ANKFN1: variants seen among roughly 807,000 people sequenced by gnomAD.
ANKFN1 encodes the protein ankyrin repeat and fibronectin type-III domain-containing protein 1.
ANKFN1 carries 74 observed loss-of-function variants against 108.7 expected under a neutral mutation model. The observed-to-expected ratio is 0.68, with a 90% CI of 0.56 to 0.83. The LOEUF (loss-of-function observed/expected upper bound fraction) is 0.83. Ranked by LOEUF, ANKFN1 falls within the 40% of genes least tolerant of loss-of-function variation. The pLI is 0.00. For synonymous variants in ANKFN1, 547 were observed against 516.2 expected (o/e 1.06, Z -0.81); for missense variants, 1,505 against 1,382.3 (o/e 1.09, Z -1.41).
intron 8 of ANKFN1, among the ~76,000 whole-genome samples, chr17:56,391,321 CATATAT>C (rs779025797): frequency 8.3e-6 from 1 of 119,948 alleles, no homozygotes; most frequent in African/African-American, 3.5e-5. Context: ...TGTGTGTGTA[CATATAT>C]ATATATATGT....
At chr17:56,318,433 A>G (rs1388498415) in intron 3 of ANKFN1, among the ~76,000 whole-genome samples, 2 of 152,158 alleles carry the variant, frequency 1.3e-5, no homozygotes, top group African/African-American at 2.4e-5. Flanking sequence ...AATTAAACCT[A>G]TATGTATTGA....
chr17:56,322,258 G>GTC (rs562174802), intron 3 of ANKFN1, among the ~76,000 whole-genome samples: 3 of 151,956 alleles, frequency 2.0e-5, no homozygotes, highest in Admixed American at 2.0e-4. Context: ...CCTTCAACGT[G>GTC]TCTCTCTCTC....
chr17:56,324,147 G>A (rs1326039491), intron 3 of ANKFN1, among the ~76,000 whole-genome samples: 1 of 152,150 alleles, frequency 6.6e-6, no homozygotes, highest in Non-Finnish European at 1.5e-5. Flanking sequence ...AATAGCTACA[G>A]CATGGAATGC....
chr17:56,059,927 C>A (rs1056974718), intron 4 of ANKFN1, among the ~76,000 whole-genome samples: 1 of 152,134 alleles, frequency 6.6e-6, no homozygotes, highest in Admixed American at 6.5e-5. Context: ...TCTTTGACTT[C>A]ATATGAAATT....
chr17:56,421,940 A>T (rs948888332), intron 8 of ANKFN1, among the ~76,000 whole-genome samples: 1 of 151,954 alleles, frequency 6.6e-6, no homozygotes, highest in Non-Finnish European at 1.5e-5. Context: ...CAACATTTAC[A>T]TTTTTTCCAT....
At chr17:56,214,350 A>G (rs1484206080) in intron 2 of ANKFN1, among the ~76,000 whole-genome samples, 1 of 152,218 alleles carries the variant, frequency 6.6e-6, no homozygotes, top group Non-Finnish European at 1.5e-5. Flanking sequence ...GGACATCAAG[A>G]AAAGCTTCGC....
intron 3 of ANKFN1, among the ~76,000 whole-genome samples, chr17:56,272,988 C>T (rs1005191019): frequency 1.3e-5 from 2 of 152,082 alleles, no homozygotes; most frequent in African/African-American, 4.8e-5. Flanking sequence ...TTCAACAGCC[C>T]AAATATTTTT....
Position 56,511,094 on chromosome 17 carries a change from G to A in ANKFN1, c.3266G>A (p.Arg1089His), listed in dbSNP as rs1175578758. ...CAGGACGCGAGGCCTTCCGTCCGCCGCCTCTACGTGGAGCCCTACGCAGCG... is the reference window on the plus strand; with the variant it reads ...CAGGACGCGAGGCCTTCCGTCCGCCACCTCTACGTGGAGCCCTACGCAGCG... ...SLQDARPSVR[R>H]LYVEPYAAAV... The change falls in exon 21 of 21, where the codon CGC becomes CAC. Residue 1089 changes from arginine to histidine, a missense_variant. By Grantham distance (29) the Arg-to-His change is conservative. Coordinates refer to ENST00000682825, the MANE Select transcript of ANKFN1 (RefSeq NM_001370326.1). 6.5e-7 allele frequency: 1 copy of A among 1,535,940 alleles called. No individual in the cohort carries two copies. Among genetic ancestry groups the A allele is most frequent in the African/African-American group, 1.4e-5 (1 of 73,158 alleles).
chr17:56,422,440 C>A (rs2048436000), intron 8 of ANKFN1, among the ~76,000 whole-genome samples: 1 of 151,876 alleles, frequency 6.6e-6, no homozygotes, highest in African/African-American at 2.4e-5. Context: ...TGCCACCACA[C>A]ACATGCATGC....
At chr17:56,261,045 G>A (rs2043497807) in intron 3 of ANKFN1, among the ~76,000 whole-genome samples, 1 of 152,104 alleles carries the variant, frequency 6.6e-6, no homozygotes, top group Middle Eastern at 3.2e-3. Flanking sequence ...TCTTGCATTT[G>A]CTTTTTGGCT....
At chr17:56,217,656 A>G (rs376205570) in intron 2 of ANKFN1, among the ~76,000 whole-genome samples, 1 of 152,204 alleles carries the variant, frequency 6.6e-6, no homozygotes, top group Non-Finnish European at 1.5e-5. Context: ...CCATAGTACT[A>G]AGGTTGAGAA....
chr17:56,046,662 C>T (rs1904683430), intron 4 of ANKFN1, among the ~76,000 whole-genome samples: 1 of 152,138 alleles, frequency 6.6e-6, no homozygotes, highest in Non-Finnish European at 1.5e-5. Flanking sequence ...TCCCAAGTTT[C>T]TTTTGCAGAT....
intron 4 of ANKFN1, among the ~76,000 whole-genome samples, chr17:56,142,464 C>T (rs945992234): frequency 6.6e-6 from 1 of 152,152 alleles, no homozygotes; most frequent in Non-Finnish European, 1.5e-5. Context: ...CATTTGTAAG[C>T]TAGTGATGGG....
intron 3 of ANKFN1, among the ~76,000 whole-genome samples, chr17:56,274,146 A>G (rs1221634660): frequency 6.6e-6 from 1 of 152,216 alleles, no homozygotes; most frequent in African/African-American, 2.4e-5. Flanking sequence ...TAGAGAGCAG[A>G]ACCCTAAAGA....
At chr17:56,401,838 T>C (rs1053973269) in intron 8 of ANKFN1, among the ~76,000 whole-genome samples, 3 of 152,206 alleles carry the variant, frequency 2.0e-5, no homozygotes, top group South Asian at 2.1e-4. Flanking sequence ...TTGTCATAAA[T>C]GGCTTTTATT....
intron 1 of ANKFN1, among the ~76,000 whole-genome samples, chr17:56,189,023 A>G (rs1031568111): frequency 3.3e-5 from 5 of 152,002 alleles, no homozygotes; most frequent in South Asian, 4.1e-4. Context: ...ACATAGGGGT[A>G]CTGGGAGGGT....
chr17:56,337,093 G>T (rs998834307), intron 4 of ANKFN1, among the ~76,000 whole-genome samples: 1 of 152,048 alleles, frequency 6.6e-6, no homozygotes, highest in African/African-American at 2.4e-5. Context: ...ACAGTTTGTT[G>T]TGATTTCTGT....
At chr17:56,244,151 T>A (rs1293738303) in intron 3 of ANKFN1, among the ~76,000 whole-genome samples, 1 of 152,128 alleles carries the variant, frequency 6.6e-6, no homozygotes, top group Non-Finnish European at 1.5e-5. Flanking sequence ...GTGATGAGCT[T>A]TCTTTCTCTA....
intron 11 of ANKFN1, among the ~76,000 whole-genome samples, chr17:56,451,354 A>C (rs543933943): frequency 1.3e-5 from 2 of 152,290 alleles, no homozygotes; most frequent in African/African-American, 4.8e-5. Flanking sequence ...TACCTCATAC[A>C]CACACAAAAA....
Sources: allele counts gnomAD v4.1 joint callset (sites outside exome capture counted in the v4.1 genomes callset), GRCh38; gene constraint gnomAD v4.1.1; transcripts MANE v1.5; gene names NCBI Gene and HGNC (gene_info 2026-07-23, HGNC 2026-07-21).